Variants in FRAS1 observed in about 807,000 individuals in gnomAD.
FRAS1 encodes the protein Fraser extracellular matrix complex subunit 1.
FRAS1 carries 290 observed loss-of-function variants against 435.2 expected under a neutral mutation model. The observed-to-expected ratio is 0.67, with a 90% CI of 0.61 to 0.73. The LOEUF (loss-of-function observed/expected upper bound fraction) is 0.73. FRAS1 is among the 30% of genes least tolerant of loss of function. FRAS1 has a pLI of 0.00. For synonymous variants in FRAS1, 1,800 were observed against 1,851.0 expected (o/e 0.97, Z 0.71); for missense variants, 4,860 against 5,001.5 (o/e 0.97, Z 0.85).
intron 2 of FRAS1, chr4:78,070,901 A>C (rs957348919): frequency 6.6e-6 from 1 of 152,190 alleles, no homozygotes; most frequent in Non-Finnish European, 1.5e-5. Context: ...CTTAAAGGAG[A>C]TGAACATGAA....
chr4:78,097,363 T>C (rs1295675220), intron 2 of FRAS1, among the ~76,000 whole-genome samples: 1 of 152,216 alleles, frequency 6.6e-6, no homozygotes, highest in African/African-American at 2.4e-5. Context: ...TGTTACCCAG[T>C]TCAAAAGTCT....
chr4:78,315,534 C>A, intron 15 of FRAS1, 60 bp from the exon 16 acceptor site: 1 of 1,528,180 alleles, frequency 6.5e-7, no homozygotes. Context: ...AAAGAATAGA[C>A]TTCACTGCTT....
chr4:78,446,400 C>T lies in FRAS1; in HGVS notation c.5857-327C>T, dbSNP rs933502752. The T allele has an allele frequency of 5.5e-6, 6 of 1,092,904 alleles. No homozygotes were observed. The African/African-American group carries it at 6.8e-5, about 12-fold the overall frequency. The allele number at this position is 1,092,904 out of a possible 1,614,324, so 67.7% of individuals were successfully genotyped here. ...GAGTTCTGAGTTATATTAGTATGGTCTTTTATCTTCAAAGTATGTTAATAC... is the reference window on the plus strand; with the variant it reads ...GAGTTCTGAGTTATATTAGTATGGTTTTTTATCTTCAAAGTATGTTAATAC... On this transcript the variant is annotated intron_variant, in intron 42 of 73. Coordinates refer to ENST00000512123, the MANE Select transcript of FRAS1 (RefSeq NM_025074.7).
At chr4:78,317,321 T>C (rs1023523335) in intron 16 of FRAS1, 47 bp from the exon 17 acceptor site, 5 of 1,610,564 alleles carry the variant, frequency 3.1e-6, no homozygotes, top group Middle Eastern at 1.7e-4. Flanking sequence ...GTGGGCACTT[T>C]ATTCACCCAT....
At chr4:78,430,238 A>G in intron 36 of FRAS1, 54 bp from the exon 37 acceptor site, 1 of 1,610,220 alleles carries the variant, frequency 6.2e-7, no homozygotes, top group South Asian at 1.1e-5. Flanking sequence ...TATATAGTCT[A>G]TCGTCTTTAA....
rs1052439983 is a variant in FRAS1, at chr4:78,234,048, A to G, written c.109-3462A>G. 3.3e-5 allele frequency among the ~76,000 whole-genome samples: 5 copies of G among 152,286 alleles called. 1 individual carries two copies. The highest frequency in any genetic ancestry group is 1.2e-4 in the African/African-American group (5 of 41,562). On this transcript the variant is annotated intron_variant, in intron 2 of 73. Transcript: ENST00000512123. ...CCTGTGGTCAGCACTTCCTGCTCCC[A>G]GAGTGGGGAGCGTAAGTAAGTGATC...
chr4:78,322,046 T>C (rs893703878), intron 18 of FRAS1, among the ~76,000 whole-genome samples: 1 of 152,170 alleles, frequency 6.6e-6, no homozygotes, highest in African/African-American at 2.4e-5. Flanking sequence ...TAGGTTGTTG[T>C]ACTCAATTTA....
chr4:78,325,454 G>A (rs919239512), intron 18 of FRAS1, among the ~76,000 whole-genome samples: 8 of 152,190 alleles, frequency 5.3e-5, no homozygotes, highest in African/African-American at 9.7e-5. Context: ...GTATGTTACC[G>A]TTTATGAAGT....
chr4:78,530,351 T>C (rs1225031186), intron 70 of FRAS1, among the ~76,000 whole-genome samples: 4 of 151,946 alleles, frequency 2.6e-5, no homozygotes, highest in Admixed American at 2.0e-4. Flanking sequence ...GGCTTCAGAG[T>C]TGGGGGTCCT....
intron 2 of FRAS1, among the ~76,000 whole-genome samples, chr4:78,218,040 C>G (rs1281758452): frequency 9.9e-5 from 3 of 30,318 alleles, no homozygotes; most frequent in African/African-American, 4.5e-4. Flanking sequence ...TCCCCTCCCC[C>G]CTCCTCTCCT....
chr4:78,252,866 C>A (rs967601539), intron 5 of FRAS1, among the ~76,000 whole-genome samples: 1 of 152,078 alleles, frequency 6.6e-6, no homozygotes, highest in Admixed American at 6.6e-5. Flanking sequence ...CAATAAAGAT[C>A]ACAAGGCAAA....
At chr4:78,404,627 G>A (rs773472098) in intron 30 of FRAS1, among the ~76,000 whole-genome samples, 144 of 152,174 alleles carry the variant, frequency 9.5e-4, no homozygotes, top group Non-Finnish European at 1.9e-3. Context: ...GGTGATTCTC[G>A]TTGATGCCTT....
intron 2 of FRAS1, among the ~76,000 whole-genome samples, chr4:78,148,932 T>A (rs926974725): frequency 2.6e-5 from 4 of 152,194 alleles, no homozygotes; most frequent in African/African-American, 9.6e-5. Flanking sequence ...ATTTCCTGAT[T>A]GGCAGCAGAA....
intron 2 of FRAS1, among the ~76,000 whole-genome samples, chr4:78,192,069 A>G (rs181951607): frequency 1.3e-5 from 2 of 152,246 alleles, no homozygotes; most frequent in African/African-American, 4.8e-5. Flanking sequence ...TTCTGTTTAT[A>G]TGCTGGATTA....
intron 56 of FRAS1, among the ~76,000 whole-genome samples, chr4:78,480,714 C>T (rs1719986707): frequency 6.6e-6 from 1 of 152,218 alleles, no homozygotes; most frequent in South Asian, 2.1e-4. Flanking sequence ...CCACTTGTGG[C>T]TCCACAAAGG....
In FRAS1 at chr4:78,384,090, C is replaced by G. The variant is rs1476462334; in HGVS notation, c.3595C>G (p.Gln1199Glu). The G allele has an allele frequency of 6.2e-7, 1 of 1,604,262 alleles. No homozygotes were observed. Among genetic ancestry groups the G allele is most frequent in the Non-Finnish European group, 8.5e-7 (1 of 1,176,818 alleles). ...TTACCTTTTCCTGAAAATTAGTGAC[C>G]AGCAGTTCTTCTCTGAGCCACAGCT... The part of the protein sequence containing the change: ...KGYLFLKISD[Q>E]QFFSEPQLIN... The change falls in exon 28 of 74, where the codon CAG becomes GAG. Residue 1199 changes from glutamine (Q) to glutamate (E), a missense_variant. Coordinates refer to ENST00000512123, the MANE Select transcript of FRAS1 (RefSeq NM_025074.7).
intron 38 of FRAS1, among the ~76,000 whole-genome samples, chr4:78,434,044 A>G (rs527554894): frequency 1.2e-4 from 18 of 152,360 alleles, no homozygotes; most frequent in African/African-American, 4.3e-4. Context: ...TAAGGGTTGT[A>G]GAAGGATTTT....
chr4:78,268,974 G>C (rs1288411427), intron 9 of FRAS1, among the ~76,000 whole-genome samples: 1 of 152,134 alleles, frequency 6.6e-6, no homozygotes, highest in African/African-American at 2.4e-5. Context: ...TCTTTAACCA[G>C]CTAAATTGTT....
intron 14 of FRAS1, among the ~76,000 whole-genome samples, chr4:78,297,805 C>T (rs1728206727): frequency 6.6e-6 from 1 of 151,920 alleles, no homozygotes; most frequent in South Asian, 2.1e-4. Flanking sequence ...AGGGAGTGAC[C>T]TCTTATTTTT....
Sources: allele counts gnomAD v4.1 joint callset (sites outside exome capture counted in the v4.1 genomes callset), GRCh38; gene constraint gnomAD v4.1.1; transcripts MANE v1.5; gene names NCBI Gene and HGNC (gene_info 2026-07-23, HGNC 2026-07-21).